SAP130: variants seen among roughly 807,000 people sequenced by gnomAD.
SAP130 encodes the protein Sin3A associated protein 130.
A neutral mutation model predicts 103.2 loss-of-function variants in SAP130; 16 were observed. The ratio of observed to expected loss-of-function variants is 0.16; its 90% CI spans 0.10 to 0.24. SAP130 has a LOEUF of 0.24. SAP130 is among the 10% of genes least tolerant of loss of function. SAP130 has a pLI of 1.00. For synonymous variants in SAP130, 477 were observed against 497.0 expected (o/e 0.96, Z 0.53); for missense variants, 990 against 1,359.7 (o/e 0.73, Z 4.28).
In SAP130 at chr2:128,013,225, CA is replaced by C. The variant is rs1175770000; in HGVS notation, c.620-72del. ...CTGGGAAAATAATCAGTATGTTTCC[CA>C]AAACTCAGATAGCATGTCAATATCG... On this transcript the variant is annotated intron_variant, in intron 5 of 20. Transcript: ENST00000643581. 3.6e-6 allele frequency: 5 copies of C among 1,404,822 alleles called. No homozygotes were observed. The African/African-American group carries it at 7.3e-5, about 21-fold the overall frequency. The allele number at this position is 1,404,822 out of a possible 1,614,324, so 87.0% of individuals were successfully genotyped here.
Position 127,989,434 on chromosome 2 carries a change from A to T in SAP130, c.1780+130T>A. 1.2e-6 allele frequency: 1 copy of T among 806,750 alleles called. No homozygotes were observed. The highest frequency in any genetic ancestry group is 1.9e-6 in the Non-Finnish European group (1 of 519,202). 50.0% of individuals were successfully genotyped at this position (806,750 alleles called of 1,614,324 possible). A position where few individuals can be genotyped will look rare whatever the true frequency, so the allele number is the denominator to read the frequency against. ...TGAAACTCTAAGTTCTAAGCAACTC[A>T]TATTATTAATACAAAGAAGAAAAGG... On this transcript the variant is annotated intron_variant, in intron 13 of 20. Transcript: ENST00000643581. This position sits in a 1 kb window ranked among gnomAD's most constrained non-coding sequence, Gnocchi z 4.6.
chr2:127,973,519 C>T (rs1573705215), intron 15 of SAP130, among the ~76,000 whole-genome samples: 1 of 152,230 alleles, frequency 6.6e-6, no homozygotes, highest in African/African-American at 2.4e-5. Flanking sequence ...GGATTCCAGG[C>T]GTGAGCCCCT....
At chr2:128,023,107 G>A (rs1263254917) in intron 2 of SAP130, among the ~76,000 whole-genome samples, 1 of 151,732 alleles carries the variant, frequency 6.6e-6, no homozygotes, top group East Asian at 1.9e-4. Context: ...TGACTGTCCT[G>A]CCTCAGCCTC....
At position 127,986,223 on chromosome 2, in the gene SAP130, CTG is replaced by C. The variant is rs1488953171; in HGVS notation, c.1958+560_1958+561del. 2.0e-5 allele frequency among the ~76,000 whole-genome samples: 3 copies of C among 152,222 alleles called. No individual in the cohort carries two copies. The highest frequency in any genetic ancestry group is 7.2e-5 in the African/African-American group (3 of 41,456). On this transcript the variant is annotated intron_variant, in intron 14 of 20. Coordinates refer to ENST00000643581, the MANE Select transcript of SAP130 (RefSeq NM_001330301.2). The surrounding 1 kb of genome is among the most constrained non-coding windows in gnomAD (Gnocchi z 4.7). Reference sequence around the variant, plus strand: ...TGGATGGCTAAACTAAAAGAGCACTCTGTAACACATGCCCACTGGGGTTTCAG... The same window carrying C: ...TGGATGGCTAAACTAAAAGAGCACTCTAACACATGCCCACTGGGGTTTCAG...
intron 10 of SAP130, among the ~76,000 whole-genome samples, chr2:127,997,064 T>A (rs771054915): frequency 1.8e-4 from 28 of 152,236 alleles, no homozygotes; most frequent in Non-Finnish European, 8.8e-5. Context: ...TCTGTTTCTT[T>A]ACCTATAAGG....
At chr2:128,013,241 T>A (rs1322858046) in intron 5 of SAP130, 87 bp from the exon 6 acceptor site, 1 of 1,289,124 alleles carries the variant, frequency 7.8e-7, no homozygotes, top group Non-Finnish European at 1.0e-6. Flanking sequence ...TCAGATAGCA[T>A]GTCAATATCG....
chr2:127,959,420 G>A (rs1469258548), intron 15 of SAP130, among the ~76,000 whole-genome samples: 1 of 152,196 alleles, frequency 6.6e-6, no homozygotes, highest in South Asian at 2.1e-4. Flanking sequence ...AGGCTGAGAA[G>A]AGTCTAGACT....
In SAP130 at chr2:127,955,188, G is replaced by A; in HGVS notation, c.2220C>T (p.Ala740=). 1 of 1,614,152 alleles carries A rather than the reference G, an allele frequency of 6.2e-7. No individual in the cohort carries two copies. Among genetic ancestry groups the A allele is most frequent in the Non-Finnish European group, 8.5e-7 (1 of 1,180,034 alleles). ...PPTIPTMIAA[A]SPPSQPAVAL... ...CAACGGCTGGTTGTGACGGGGGACT[G>A]GCTGCTGCAATCATAGTTGGAATGG... The change falls in exon 16 of 21, where the codon GCC becomes GCT. Residue 740 remains alanine (A), a synonymous_variant. Coordinates refer to ENST00000643581, the MANE Select transcript of SAP130 (RefSeq NM_001330301.2). This position sits in a 1 kb window ranked among gnomAD's most constrained non-coding sequence, Gnocchi z 4.9.
chr2:128,028,022 C>A lies in SAP130; in HGVS notation c.-89G>T, dbSNP rs192706205. ...CGTCTGTGGGGCCGACGTCCCCAGG[C>A]TCCGGACCCGCAGCCACCGCCGGGG... On this transcript the variant is annotated 5_prime_UTR_variant, in exon 1 of 21. Transcript: ENST00000643581. 3.4e-5 allele frequency: 33 copies of A among 980,512 alleles called. No homozygotes were observed. In the East Asian group the frequency reaches 3.1e-3, roughly 92 times the overall value. 60.7% of individuals were successfully genotyped at this position (980,512 alleles called of 1,614,324 possible). A position where few individuals can be genotyped will look rare whatever the true frequency, so the allele number is the denominator to read the frequency against.
chr2:127,959,695 G>A (rs918567700), intron 15 of SAP130, among the ~76,000 whole-genome samples: 1 of 152,144 alleles, frequency 6.6e-6, no homozygotes, highest in African/African-American at 2.4e-5. Flanking sequence ...ATCACAACTT[G>A]AGTAAGACAA....
intron 5 of SAP130, among the ~76,000 whole-genome samples, 178 bp downstream of exon 5, chr2:128,014,625 C>T (rs1467940455): frequency 6.6e-6 from 1 of 152,108 alleles, no homozygotes; most frequent in East Asian, 1.9e-4. Flanking sequence ...ACATGAACCG[C>T]AGCACCTGGC....
At position 127,996,268 on chromosome 2, in the gene SAP130, T is replaced by TGTGG. The variant is rs1401260054; in HGVS notation, c.1355+78_1355+81dup. ...ATGAGTAATAAATATAGGCCATATTTGTGGGACACTTTGTTTTATGCTGAT... is the reference window on the plus strand; with the variant it reads ...ATGAGTAATAAATATAGGCCATATTTGTGGGTGGGACACTTTGTTTTATGCTGAT... On this transcript the variant is annotated intron_variant, in intron 11 of 20. Transcript: ENST00000643581. This position sits in a 1 kb window ranked among gnomAD's most constrained non-coding sequence, Gnocchi z 4.3. The TGTGG allele has an allele frequency of 1.6e-6, 2 of 1,279,810 alleles. No homozygotes were observed. The highest frequency in any genetic ancestry group is 2.0e-4 in the Middle Eastern group (1 of 4,944). The allele number at this position is 1,279,810 out of a possible 1,614,324, so 79.3% of individuals were successfully genotyped here.
chr2:127,942,518 A>G lies in SAP130; in HGVS notation c.2921T>C (p.Val974Ala). Reference protein sequence around the residue: ...LLQLTNLEHDVYERLTNLQEG... With the variant: ...LLQLTNLEHDAYERLTNLQEG... Reference sequence around the variant, plus strand: ...CTGCAGGTTAGTAAGTCTTTCATAGACATCATGTTCTAGATTCGTCTGCAA... The same window carrying G: ...CTGCAGGTTAGTAAGTCTTTCATAGGCATCATGTTCTAGATTCGTCTGCAA... Residue 974 changes from valine to alanine, a missense_variant, in exon 20 of 21, where the codon GTC becomes GCC. Val to Ala is a moderately conservative substitution (Grantham distance 64). This residue lies in a region of SAP130 where 69 missense variants were observed against 165.7 expected (regional missense o/e 0.42). Transcript: ENST00000643581. This position sits in a 1 kb window ranked among gnomAD's most constrained non-coding sequence, Gnocchi z 4.8. The G allele has an allele frequency of 6.2e-7, 1 of 1,610,584 alleles. No individual in the cohort carries two copies. The highest frequency in any genetic ancestry group is 8.5e-7 in the Non-Finnish European group (1 of 1,176,796).
intron 16 of SAP130, among the ~76,000 whole-genome samples, chr2:127,950,636 G>T (rs969949991): frequency 2.0e-5 from 3 of 152,192 alleles, no homozygotes; most frequent in Non-Finnish European, 4.4e-5. Flanking sequence ...CTTTGACAAG[G>T]ACACAATGAT....
intron 7 of SAP130, among the ~76,000 whole-genome samples, chr2:128,001,403 G>A (rs1354596970): frequency 2.0e-5 from 3 of 152,200 alleles, no homozygotes; most frequent in Non-Finnish European, 4.4e-5. Context: ...CACTTCAGGT[G>A]ACATTCAAAC....
In SAP130 at chr2:127,953,565, G is replaced by A. The variant is rs1464754572; in HGVS notation, c.2422+1421C>T. On this transcript the variant is annotated intron_variant, in intron 16 of 20. Coordinates refer to ENST00000643581, the MANE Select transcript of SAP130 (RefSeq NM_001330301.2). This position sits in a 1 kb window ranked among gnomAD's most constrained non-coding sequence, Gnocchi z 4.0. Reference sequence around the variant, plus strand: ...CAGCCTGTGGGCCCTGTTCTACCATGATCTGATCCTGCTGCCTGCCACTCC... The same window carrying A: ...CAGCCTGTGGGCCCTGTTCTACCATAATCTGATCCTGCTGCCTGCCACTCC... Among the ~76,000 whole-genome samples, 1 of 152,150 alleles carries A rather than the reference G, an allele frequency of 6.6e-6. No homozygotes were observed. Among genetic ancestry groups the A allele is most frequent in the Admixed American group, 6.5e-5 (1 of 15,268 alleles).
chr2:127,974,511 T>C (rs879504490), intron 15 of SAP130, among the ~76,000 whole-genome samples: 1 of 152,172 alleles, frequency 6.6e-6, no homozygotes, highest in Non-Finnish European at 1.5e-5. Context: ...ATGACAGTGG[T>C]CCCATAAGAT....
chr2:127,991,276 T>A (rs1682780550), intron 12 of SAP130, among the ~76,000 whole-genome samples: 1 of 152,192 alleles, frequency 6.6e-6, no homozygotes, highest in South Asian at 2.1e-4. Context: ...ACCAAATTAA[T>A]TTTGATCATA....
At chr2:128,008,764 T>C (rs922072186) in intron 7 of SAP130, among the ~76,000 whole-genome samples, 3 of 151,772 alleles carry the variant, frequency 2.0e-5, no homozygotes, top group Non-Finnish European at 2.9e-5. Flanking sequence ...CAGCTCACTA[T>C]AGACTCAATC....
Sources: allele counts gnomAD v4.1 joint callset (sites outside exome capture counted in the v4.1 genomes callset), GRCh38; gene constraint gnomAD v4.1.1; regional missense constraint gnomAD v4.1.1; non-coding constraint Gnocchi (gnomAD v3.1); transcripts MANE v1.5; gene names NCBI Gene and HGNC (gene_info 2026-07-23, HGNC 2026-07-21).